KAZN: variants seen among roughly 807,000 people sequenced by gnomAD.
KAZN encodes the protein kazrin.
KAZN carries 40 observed loss-of-function variants against 87.4 expected under a neutral mutation model. The ratio of observed to expected loss-of-function variants is 0.46; its 90% CI spans 0.36 to 0.60. The LOEUF is 0.60. Among genes scored for constraint, KAZN ranks in the 20% least tolerant of loss-of-function variants. KAZN has a pLI of 0.00. For missense variants in KAZN, 898 were observed against 1,073.9 expected, an observed-to-expected ratio of 0.84 and a Z score of 2.29; for synonymous variants, 466 against 458.3, an observed-to-expected ratio of 1.02 and a Z score of -0.22.
chr1:14,514,399 A>ATATATATT lies in KAZN; in HGVS notation c.250-84577_250-84576insTTATATAT, dbSNP rs1671129657. On this transcript the variant is annotated intron_variant, in intron 2 of 16. Transcript: ENST00000636203. Reference sequence around the variant, plus strand: ...TAATATATATATATTATATATATTTATATATATAATATATAAATATATATA... The same window carrying ATATATATT: ...TAATATATATATATTATATATATTTATATATATTTATATATAATATATAAATATATATA... 2.8e-4 allele frequency among the ~76,000 whole-genome samples: 7 copies of ATATATATT among 25,014 alleles called. 1 individual carries two copies. Among genetic ancestry groups the ATATATATT allele is most frequent in the African/African-American group, 9.7e-4 (6 of 6,210 alleles). 16.4% of individuals were successfully genotyped at this position (25,014 alleles called of 152,430 possible).
intron 2 of KAZN, among the ~76,000 whole-genome samples, chr1:14,241,904 T>C (rs1648968351): frequency 6.6e-6 from 1 of 152,212 alleles, no homozygotes; most frequent in African/African-American, 2.4e-5. Context: ...CTTTTCCTCG[T>C]ACCCCACCCC....
At chr1:14,219,291 G>A (rs1376390091) in intron 2 of KAZN, among the ~76,000 whole-genome samples, 2 of 152,046 alleles carry the variant, frequency 1.3e-5, no homozygotes. Context: ...GAAGGGAATT[G>A]TTGTTAAAAT....
chr1:15,013,423 T>G (rs1669775567), intron 2 of KAZN, among the ~76,000 whole-genome samples: 1 of 151,840 alleles, frequency 6.6e-6, no homozygotes, highest in African/African-American at 2.4e-5. Flanking sequence ...GGAAGGAAAA[T>G]AGCACTGAGG....
At chr1:14,811,756 A>G (rs1221791031) in intron 1 of KAZN, among the ~76,000 whole-genome samples, 1 of 152,234 alleles carries the variant, frequency 6.6e-6, no homozygotes, top group Non-Finnish European at 1.5e-5. Flanking sequence ...TCTTAGTGAT[A>G]CATCAAATGA....
At chr1:14,586,809 G>T (rs1675880398) in intron 2 of KAZN, among the ~76,000 whole-genome samples, 1 of 152,030 alleles carries the variant, frequency 6.6e-6, no homozygotes, top group Admixed American at 6.5e-5. Context: ...CAAAGTGCTG[G>T]GATTGTAGGC....
At chr1:14,818,384 G>C (rs1646635553) in intron 1 of KAZN, among the ~76,000 whole-genome samples, 1 of 152,240 alleles carries the variant, frequency 6.6e-6, no homozygotes, top group Non-Finnish European at 1.5e-5. Context: ...TGTTCAGTGT[G>C]AATTTAAGGA....
intron 1 of KAZN, among the ~76,000 whole-genome samples, chr1:14,778,181 T>G (rs189966136): frequency 6.6e-6 from 1 of 152,294 alleles, no homozygotes; most frequent in African/African-American, 2.4e-5. Context: ...AGTCTTAACA[T>G]TTAAATGCAT....
At chr1:14,778,370 C>T (rs1480041880) in intron 1 of KAZN, among the ~76,000 whole-genome samples, 2 of 148,752 alleles carry the variant, frequency 1.3e-5, no homozygotes, top group African/African-American at 5.0e-5. Context: ...TTCCAAAAAG[C>T]CTGCTTTCTG....
chr1:14,236,154 A>G (rs1278053365), intron 2 of KAZN, among the ~76,000 whole-genome samples: 1 of 152,178 alleles, frequency 6.6e-6, no homozygotes. Context: ...AAAGTCCTAT[A>G]CAGATGATAA....
chr1:14,066,152 C>T (rs934300473), intron 1 of KAZN, among the ~76,000 whole-genome samples: 1 of 152,174 alleles, frequency 6.6e-6, no homozygotes, highest in African/African-American at 2.4e-5. Flanking sequence ...CTGCAAACAT[C>T]ATTATTTCAT....
chr1:15,044,270 G>GGGGGGGGGCC, intron 4 of KAZN, 111 bp downstream of exon 4: 5 of 413,284 alleles, frequency 1.2e-5, no homozygotes, highest in Non-Finnish European at 2.1e-5. Context: ...GGTGGGTGGG[G>GGGGGGGGGCC]CAGAGCAGAA....
chr1:14,511,402 T>C (rs912794978), intron 2 of KAZN, among the ~76,000 whole-genome samples: 2 of 152,092 alleles, frequency 1.3e-5, no homozygotes, highest in African/African-American at 4.8e-5. Flanking sequence ...CTTCAGGGAG[T>C]AGAAACTAGT....
In KAZN at chr1:14,177,806, T is replaced by G. The variant is rs553541624; in HGVS notation, c.92-2629T>G. Among the ~76,000 whole-genome samples, 294 of 152,016 alleles carry G rather than the reference T, an allele frequency of 1.9e-3. 2 individuals are homozygous for G. The highest frequency in any genetic ancestry group is 6.5e-3 in the African/African-American group (270 of 41,516). On this transcript the variant is annotated intron_variant, in intron 1 of 16. Transcript: ENST00000636203. The stretch of plus-strand genomic sequence containing the variant: ...ACTGTGTGTGTGTGTTTTTTTTTTT[T>G]TTTTTAGTAATTTGATTATAATATG...
chr1:14,187,369 A>G (rs1027364262), intron 2 of KAZN, among the ~76,000 whole-genome samples: 4 of 152,160 alleles, frequency 2.6e-5, no homozygotes, highest in African/African-American at 9.6e-5. Flanking sequence ...ACCCTCTCAG[A>G]CTCCTAGAAA....
At chr1:14,826,889 T>C (rs541878150) in intron 1 of KAZN, among the ~76,000 whole-genome samples, 16 of 152,274 alleles carry the variant, frequency 1.1e-4, no homozygotes, top group Non-Finnish European at 1.8e-4. Flanking sequence ...AATGAAGACT[T>C]GGGGTCAGAC....
At chr1:14,249,867 T>TG (rs967083006) in intron 2 of KAZN, among the ~76,000 whole-genome samples, 8 of 149,302 alleles carry the variant, frequency 5.4e-5, no homozygotes, top group Non-Finnish European at 1.2e-4. Flanking sequence ...GAATACTAAG[T>TG]GAAAAAAAAA....
intron 2 of KAZN, among the ~76,000 whole-genome samples, chr1:14,286,489 G>A (rs1229062452): frequency 6.6e-6 from 1 of 152,162 alleles, no homozygotes; most frequent in Non-Finnish European, 1.5e-5. Flanking sequence ...TAAACTGGAG[G>A]TACTTTCTAG....
chr1:14,125,827 C>T (rs528243414), intron 1 of KAZN, among the ~76,000 whole-genome samples: 10 of 152,078 alleles, frequency 6.6e-5, no homozygotes, highest in Non-Finnish European at 1.3e-4. Flanking sequence ...CCATTACCCT[C>T]GGGCAACAAG....
chr1:14,371,569 A>G (rs552549960), intron 2 of KAZN, among the ~76,000 whole-genome samples: 13 of 152,184 alleles, frequency 8.5e-5, no homozygotes, highest in Non-Finnish European at 1.6e-4. Flanking sequence ...CTGAGTGTCT[A>G]AAGAAGAGAG....
Sources: gnomAD v4.1 joint callset for allele counts (sites outside exome capture counted in the v4.1 genomes callset) on GRCh38, gnomAD v4.1.1 for gene constraint, MANE v1.5 for transcripts, NCBI Gene and HGNC (gene_info 2026-07-23, HGNC 2026-07-21) for gene names.